The following GABRG3 variants were observed in gnomAD, a reference collection of about 807,000 sequenced individuals.
The protein encoded by GABRG3 is gamma-aminobutyric acid type A receptor subunit gamma3.
GABRG3 carries 25 observed loss-of-function variants against 48.8 expected under a neutral mutation model. The observed-to-expected ratio is 0.51, with a 90% CI of 0.37 to 0.72. GABRG3 has a LOEUF of 0.72. Among genes scored for constraint, GABRG3 ranks in the 30% least tolerant of loss-of-function variants. GABRG3 has a pLI of 0.00. For synonymous variants in GABRG3, 227 were observed against 217.6 expected, an observed-to-expected ratio of 1.04 and a Z score of -0.38; for missense variants, 394 against 577.9, an observed-to-expected ratio of 0.68 and a Z score of 3.26.
At chr15:27,336,237 G>GAGAGAGAAAGAA (rs1566792015) in intron 5 of GABRG3, among the ~76,000 whole-genome samples, 45 of 143,368 alleles carry the variant, frequency 3.1e-4, no homozygotes, top group African/African-American at 1.1e-3. Flanking sequence ...AGAGAGAGGA[G>GAGAGAGAAAGAA]AAGAAAAGAA....
intron 3 of GABRG3, among the ~76,000 whole-genome samples, chr15:27,108,265 C>A (rs1897485518): frequency 6.6e-6 from 1 of 152,026 alleles, no homozygotes; most frequent in Admixed American, 6.6e-5. Flanking sequence ...TTAATTAGTT[C>A]AAATTATTTT....
chr15:27,201,794 A>G lies in GABRG3; in HGVS notation c.271-125015A>G, dbSNP rs906933718. The stretch of plus-strand genomic sequence containing the variant: ...AATAATTGTAGATATAAAAGTAAAT[A>G]ATTTAGATACAGATAAAAATGCGAC... On this transcript the variant is annotated intron_variant, in intron 3 of 9. Transcript: ENST00000615808. Among the ~76,000 whole-genome samples, 3 of 152,346 alleles carry G rather than the reference A, an allele frequency of 2.0e-5. No homozygotes were observed. In the East Asian group the frequency reaches 5.8e-4, roughly 29 times the overall value.
At chr15:27,036,726 CTA>C (rs1312027971) in intron 3 of GABRG3, among the ~76,000 whole-genome samples, 2 of 152,114 alleles carry the variant, frequency 1.3e-5, no homozygotes, top group African/African-American at 4.8e-5. Context: ...TGTACACTGA[CTA>C]TGTGAGGGGT....
Position 27,537,683 on chromosome 15 carries a change from A to G in GABRG3, c.*4802A>G, listed in dbSNP as rs1891578396. On this transcript the variant is annotated 3_prime_UTR_variant, in exon 10 of 10. Coordinates refer to ENST00000615808, the MANE Select transcript of GABRG3 (RefSeq NM_033223.5). ...TTTTCTTAATGTCTAATAGTTTTGA[A>G]GACTAGATATTAGGGCATTTTCTTT... 1 of 152,272 alleles carries G rather than the reference A, an allele frequency of 6.6e-6. No homozygotes were observed. Among genetic ancestry groups the G allele is most frequent in the East Asian group, 1.9e-4 (1 of 5,194 alleles). The allele number at this position is 152,272 out of a possible 1,614,324, so 9.4% of individuals were successfully genotyped here.
intron 3 of GABRG3, among the ~76,000 whole-genome samples, chr15:27,087,285 G>T (rs1487109348): frequency 6.6e-6 from 1 of 152,204 alleles, no homozygotes; most frequent in Non-Finnish European, 1.5e-5. Flanking sequence ...TGGTGCCAGG[G>T]CAGGGGCCTG....
intron 5 of GABRG3, among the ~76,000 whole-genome samples, chr15:27,476,792 A>C (rs1026976254): frequency 2.6e-5 from 4 of 152,234 alleles, no homozygotes; most frequent in Admixed American, 6.5e-5. Context: ...CAAAAATTTG[A>C]CAAAACAATT....
intron 3 of GABRG3, among the ~76,000 whole-genome samples, chr15:27,249,892 T>C (rs1044520384): frequency 6.6e-6 from 1 of 152,146 alleles, no homozygotes; most frequent in Non-Finnish European, 1.5e-5. Flanking sequence ...ATTATCATAA[T>C]GTGTGGAGGT....
At chr15:27,153,475 T>C (rs1898360604) in intron 3 of GABRG3, among the ~76,000 whole-genome samples, 1 of 152,172 alleles carries the variant, frequency 6.6e-6, no homozygotes, top group South Asian at 2.1e-4. Flanking sequence ...GGTACTTTGC[T>C]TTTACCTATA....
At chr15:27,093,474 G>A (rs1048954508) in intron 3 of GABRG3, among the ~76,000 whole-genome samples, 2 of 152,064 alleles carry the variant, frequency 1.3e-5, no homozygotes, top group Admixed American at 6.5e-5. Flanking sequence ...TAAGCCCTGC[G>A]GCTCCCTGCT....
intron 3 of GABRG3, among the ~76,000 whole-genome samples, chr15:27,151,023 A>G (rs1245589767): frequency 1.3e-5 from 2 of 152,204 alleles, no homozygotes; most frequent in African/African-American, 4.8e-5. Context: ...TTAAAATTAA[A>G]CATTTTATTT....
chr15:27,281,685 T>G (rs1375335578), intron 3 of GABRG3, among the ~76,000 whole-genome samples: 1 of 151,860 alleles, frequency 6.6e-6, no homozygotes, highest in Non-Finnish European at 1.5e-5. Context: ...AAATTTGAAT[T>G]TATTCCTTTC....
chr15:26,999,293 T>G (rs1449806312), intron 2 of GABRG3, among the ~76,000 whole-genome samples: 1 of 152,144 alleles, frequency 6.6e-6, no homozygotes, highest in Non-Finnish European at 1.5e-5. Context: ...TAGGTTATAT[T>G]CAGATACCAT....
intron 3 of GABRG3, among the ~76,000 whole-genome samples, chr15:27,063,900 C>G (rs1249101487): frequency 1.3e-5 from 2 of 152,226 alleles, no homozygotes; most frequent in African/African-American, 4.8e-5. Flanking sequence ...CCCCACACCC[C>G]TTCTCCTTTT....
At chr15:27,103,278 T>G (rs1897392162) in intron 3 of GABRG3, among the ~76,000 whole-genome samples, 1 of 152,198 alleles carries the variant, frequency 6.6e-6, no homozygotes, top group South Asian at 2.1e-4. Flanking sequence ...TCTATTTTGT[T>G]CAGGTGTTAG....
At chr15:27,449,434 A>C (rs1344823829) in intron 5 of GABRG3, among the ~76,000 whole-genome samples, 1 of 152,196 alleles carries the variant, frequency 6.6e-6, no homozygotes, top group South Asian at 2.1e-4. Context: ...TGTAATAATG[A>C]AATCTAATTT....
intron 5 of GABRG3, among the ~76,000 whole-genome samples, chr15:27,381,000 C>T (rs933858696): frequency 3.9e-5 from 6 of 152,012 alleles, no homozygotes; most frequent in South Asian, 2.1e-4. Flanking sequence ...CTCCTGACCT[C>T]GTGATCCACC....
chr15:27,309,074 T>C (rs1892895605), intron 3 of GABRG3, among the ~76,000 whole-genome samples: 1 of 151,272 alleles, frequency 6.6e-6, no homozygotes, highest in Admixed American at 6.6e-5. Flanking sequence ...AATGTAAACA[T>C]GTTTATATAG....
chr15:27,538,564 T>C lies in GABRG3; in HGVS notation c.*5683T>C, dbSNP rs1435529927. The C allele has an allele frequency of 6.6e-6, 1 of 152,218 alleles. No homozygotes were observed. Among genetic ancestry groups the C allele is most frequent in the Non-Finnish European group, 1.5e-5 (1 of 68,036 alleles). The allele number at this position is 152,218 out of a possible 1,614,324, so 9.4% of individuals were successfully genotyped here. A position where few individuals can be genotyped will look rare whatever the true frequency, so the allele number is the denominator to read the frequency against. The stretch of plus-strand genomic sequence containing the variant: ...CACACACAGGGTTTTTCCAGCCCAG[T>C]GAGCAGGCTACACAATGTGAGGATG... On this transcript the variant is annotated 3_prime_UTR_variant, in exon 10 of 10. Transcript: ENST00000615808.
At chr15:26,971,717 A>G (rs904149343) in intron 1 of GABRG3, 129 bp downstream of exon 1, 66 of 1,068,388 alleles carry the variant, frequency 6.2e-5, no homozygotes, top group Non-Finnish European at 7.8e-5. Flanking sequence ...CCGGGAGGGG[A>G]CTGGGAAGTC....
Sources: gnomAD v4.1 joint callset for allele counts (sites outside exome capture counted in the v4.1 genomes callset) on GRCh38, gnomAD v4.1.1 for gene constraint, MANE v1.5 for transcripts, NCBI Gene and HGNC (gene_info 2026-07-23, HGNC 2026-07-21) for gene names.